Variants in TLN2 observed in about 807,000 individuals in gnomAD.
The protein encoded by TLN2 is talin-2.
TLN2 carries 118 observed loss-of-function variants against 294.7 expected under a neutral mutation model. The ratio of observed to expected loss-of-function variants is 0.40; its 90% confidence interval spans 0.34 to 0.47. TLN2 has a LOEUF of 0.47. TLN2 is among the 20% of genes least tolerant of loss of function. The pLI is 0.84. For synonymous variants in TLN2, 1,431 were observed against 1,304.5 expected (o/e 1.10, Z -2.09); for missense variants, 3,083 against 3,282.2 (o/e 0.94, Z 1.48).
rs148796421 is a variant in TLN2 at position 62,801,310 on chromosome 15, A to G, written c.6477+541A>G. 5.6e-3 allele frequency among the ~76,000 whole-genome samples: 854 copies of G among 152,322 alleles called. 7 individuals are homozygous for G. Among genetic ancestry groups the G allele is most frequent in the Middle Eastern group, 0.017 (5 of 294 alleles). On this transcript the variant is annotated intron_variant, in intron 50 of 58. Coordinates refer to ENST00000636159, the MANE Select transcript of TLN2 (RefSeq NM_015059.3). ...CTGTTCTTTTCTGACTTGTTCCAGC[A>G]TTGCAGAGTTGAGGACATTCTGGAG...
At chr15:62,668,222 A>G (rs2054957785) in intron 9 of TLN2, among the ~76,000 whole-genome samples, 1 of 152,234 alleles carries the variant, frequency 6.6e-6, no homozygotes, top group African/African-American at 2.4e-5. Flanking sequence ...GGAAATTTAC[A>G]AAGAGTAAAT....
intron 1 of TLN2, among the ~76,000 whole-genome samples, chr15:62,479,797 T>C (rs1262454884): frequency 6.6e-6 from 1 of 152,212 alleles, no homozygotes; most frequent in East Asian, 1.9e-4. Flanking sequence ...TCTTTGTCTT[T>C]AGACAGTGAG....
intron 1 of TLN2, among the ~76,000 whole-genome samples, chr15:62,576,272 A>T (rs1220207409): frequency 1.3e-5 from 2 of 152,018 alleles, no homozygotes; most frequent in African/African-American, 4.8e-5. Flanking sequence ...TCAAAAAAAA[A>T]AAAATAAATA....
At chr15:62,759,890 G>A (rs749561234) in intron 37 of TLN2, among the ~76,000 whole-genome samples, 1 of 152,140 alleles carries the variant, frequency 6.6e-6, no homozygotes, top group Non-Finnish European at 1.5e-5. Context: ...ACCCTGCCTC[G>A]CACTGGTGTT....
Position 62,717,562 on chromosome 15 carries a change from T to A in TLN2, c.2764-14T>A. The A allele has an allele frequency of 6.6e-7, 1 of 1,526,318 alleles. No individual in the cohort carries two copies. Among genetic ancestry groups the A allele is most frequent in the Non-Finnish European group, 8.8e-7 (1 of 1,140,796 alleles). 94.5% of individuals were successfully genotyped at this position (1,526,318 alleles called of 1,614,324 possible). ...GCATATGCAGATCCTGACTCATCTA[T>A]CACTCCTCTGCAGGTTGCAGCCAAG... On this transcript the variant is annotated splice_polypyrimidine_tract_variant and intron_variant, in intron 23 of 58. Coordinates refer to ENST00000636159, the MANE Select transcript of TLN2 (RefSeq NM_015059.3).
chr15:62,537,907 T>A (rs1304109568), intron 1 of TLN2, among the ~76,000 whole-genome samples: 1 of 152,134 alleles, frequency 6.6e-6, no homozygotes, highest in African/African-American at 2.4e-5. Context: ...GCCACAGTGC[T>A]CCACCTCCCA....
rs145110216 is a variant in TLN2 at position 62,405,933 on chromosome 15, G to A, written c.-238+15248G>A. Among the ~76,000 whole-genome samples the A allele has an allele frequency of 4.6e-4, 70 of 152,286 alleles. No individual in the cohort carries two copies. The East Asian group carries it at 9.4e-3, about 21-fold the overall frequency. On this transcript the variant is annotated intron_variant, in intron 1 of 58. Transcript: ENST00000636159. ...ATGGAGCCTGCAGCAATGCCTTGTC[G>A]GGCTGAGCTGGCTCTTTGATGAACC...
At chr15:62,482,787 C>T (rs1035495227) in intron 1 of TLN2, among the ~76,000 whole-genome samples, 1 of 152,132 alleles carries the variant, frequency 6.6e-6, no homozygotes, top group African/African-American at 2.4e-5. Context: ...GTCTTCTAAC[C>T]TGCAGACCCA....
chr15:62,669,303 A>C (rs1286842691), intron 9 of TLN2, among the ~76,000 whole-genome samples: 3 of 152,176 alleles, frequency 2.0e-5, no homozygotes, highest in African/African-American at 7.2e-5. Flanking sequence ...AGCTGCAACA[A>C]ATTGGAGAAC....
chr15:62,761,736 C>T lies in TLN2; in HGVS notation c.4694C>T (p.Ala1565Val), dbSNP rs577334282. The T allele has an allele frequency of 9.3e-6, 15 of 1,614,194 alleles. No individual in the cohort carries two copies. In the South Asian group the frequency reaches 1.2e-4, roughly 13 times the overall value. ...CGCAATAAGTGTCGCATCGCCACCG[C>T]ACCCTTGATTGAAGCTGTGGAGAAC... The part of the protein sequence containing the change: ...DNRNKCRIAT[A>V]PLIEAVENLT... Residue 1565 changes from alanine (A) to valine (V), a missense_variant, in exon 38 of 59, where the codon GCA (alanine) becomes GTA (valine). Physicochemically the swap from Ala to Val is moderately conservative, Grantham distance 64. Transcript: ENST00000636159.
At chr15:62,673,765 T>A (rs376285907) in intron 9 of TLN2, 62 bp from the exon 10 acceptor site, 3 of 1,332,366 alleles carry the variant, frequency 2.3e-6, no homozygotes, top group Non-Finnish European at 3.2e-6. Flanking sequence ...TAAATGTCTT[T>A]GCTTTGCTTC....
chr15:62,743,316 G>A (rs1223775243), intron 32 of TLN2, among the ~76,000 whole-genome samples: 1 of 151,750 alleles, frequency 6.6e-6, no homozygotes, highest in Admixed American at 6.6e-5. Flanking sequence ...GACCAACTCA[G>A]CCCTGTCCCA....
At position 62,557,000 on chromosome 15, in the gene TLN2, A is replaced by G. The variant is rs549021978; in HGVS notation, c.-237-32687A>G. On this transcript the variant is annotated intron_variant, in intron 1 of 58. Transcript: ENST00000636159. Reference sequence around the variant, plus strand: ...TGAGATGTGCCAAGAAATAGATTTTATGATTGATCAAAAACAGATTCTCAT... The same window carrying G: ...TGAGATGTGCCAAGAAATAGATTTTGTGATTGATCAAAAACAGATTCTCAT... Among the ~76,000 whole-genome samples, 8 of 152,358 alleles carry G rather than the reference A, an allele frequency of 5.3e-5. No individual in the cohort carries two copies. In the East Asian group the frequency reaches 1.2e-3, roughly 22 times the overall value.
chr15:62,536,920 C>G (rs1279798905), intron 1 of TLN2, among the ~76,000 whole-genome samples: 2 of 152,148 alleles, frequency 1.3e-5, no homozygotes, highest in African/African-American at 4.8e-5. Flanking sequence ...TGGGAACATT[C>G]AAAATCTACT....
intron 21 of TLN2, 116 bp downstream of exon 21, chr15:62,708,912 C>T: frequency 9.3e-6 from 12 of 1,286,104 alleles, no homozygotes; most frequent in Non-Finnish European, 1.3e-5. Flanking sequence ...AAGTTCTCTT[C>T]AGTCTCAAAG....
chr15:62,445,492 T>C (rs1278419568), intron 1 of TLN2, among the ~76,000 whole-genome samples: 1 of 152,174 alleles, frequency 6.6e-6, no homozygotes, highest in Non-Finnish European at 1.5e-5. Flanking sequence ...CACCCTTAAG[T>C]AGCATTTGTT....
chr15:62,436,781 T>C, intron 1 of TLN2, among the ~76,000 whole-genome samples: 1 of 152,238 alleles, frequency 6.6e-6, no homozygotes, highest in South Asian at 2.1e-4. Flanking sequence ...TGGAGTGCAG[T>C]AGCACAATCA....
At chr15:62,794,168 C>T (rs2065286351) in intron 46 of TLN2, among the ~76,000 whole-genome samples, 1 of 152,192 alleles carries the variant, frequency 6.6e-6, no homozygotes, top group Non-Finnish European at 1.5e-5. Flanking sequence ...GCTTGGTCTT[C>T]CTGAGCTGGC....
At chr15:62,593,356 C>T (rs2046233109) in intron 2 of TLN2, among the ~76,000 whole-genome samples, 1 of 152,230 alleles carries the variant, frequency 6.6e-6, no homozygotes, top group Admixed American at 6.5e-5. Context: ...CTAGGCTGCG[C>T]TCCTCACTCT....
Sources: gnomAD v4.1 joint callset for allele counts (sites outside exome capture counted in the v4.1 genomes callset) on GRCh38, gnomAD v4.1.1 for gene constraint, MANE v1.5 for transcripts, NCBI Gene and HGNC (gene_info 2026-07-23, HGNC 2026-07-21) for gene names.